NPAS2: variants seen among roughly 807,000 people sequenced by gnomAD.
NPAS2 encodes neuronal PAS domain-containing protein 2.
NPAS2 carries 23 observed loss-of-function variants against 107.5 expected under a neutral mutation model. The observed-to-expected ratio is 0.21, with a 90% CI of 0.15 to 0.30. The LOEUF is 0.30. NPAS2 is among the 10% of genes least tolerant of loss of function. The pLI is 1.00. For synonymous variants in NPAS2, 403 were observed against 417.5 expected (o/e 0.97, Z 0.42); for missense variants, 756 against 1,043.3 (o/e 0.72, Z 3.79).
chr2:100,832,555 C>T (rs1676809265), intron 1 of NPAS2, among the ~76,000 whole-genome samples: 1 of 152,180 alleles, frequency 6.6e-6, no homozygotes, highest in Admixed American at 6.5e-5. Context: ...TTGGTATATA[C>T]ACAGTCCCTC....
intron 2 of NPAS2, 129 bp downstream of exon 2, chr2:100,904,915 C>G (rs1212674394): frequency 2.9e-6 from 2 of 695,686 alleles, no homozygotes; most frequent in Non-Finnish European, 5.1e-6. Context: ...AGGACACACT[C>G]TCTGTGACAT....
At chr2:100,970,899 G>T in intron 11 of NPAS2, 91 bp from the exon 12 acceptor site, 1 of 1,130,700 alleles carries the variant, frequency 8.8e-7, no homozygotes, top group South Asian at 1.3e-5. Context: ...GTTACGTAGA[G>T]AACCTCGATG....
chr2:100,990,553 A>G, intron 18 of NPAS2, 107 bp downstream of exon 18: 1 of 1,252,288 alleles, frequency 8.0e-7, no homozygotes, highest in Admixed American at 2.0e-5. Flanking sequence ...CAGATTCTAA[A>G]GTGTCCACAG....
At chr2:100,856,453 A>G (rs10188670) in intron 1 of NPAS2, among the ~76,000 whole-genome samples, 4,620 of 152,300 alleles carry the variant, frequency 0.03, 116 homozygotes, top group African/African-American at 0.057. Flanking sequence ...GGGTGTGGAA[A>G]AAGTATTCTT....
At chr2:100,954,076 A>G (rs1015165902) in intron 7 of NPAS2, among the ~76,000 whole-genome samples, 2 of 152,164 alleles carry the variant, frequency 1.3e-5, no homozygotes, top group Non-Finnish European at 2.9e-5. Context: ...GTCGATTCCA[A>G]GAGAAAGAAT....
intron 10 of NPAS2, among the ~76,000 whole-genome samples, chr2:100,967,495 G>A (rs1042718016): frequency 6.6e-6 from 1 of 152,012 alleles, no homozygotes; most frequent in African/African-American, 2.4e-5. Flanking sequence ...CAAAGTGCTG[G>A]GATTACAGGC....
At chr2:100,931,764 G>A (rs372423514) in intron 3 of NPAS2, among the ~76,000 whole-genome samples, 1 of 152,064 alleles carries the variant, frequency 6.6e-6, no homozygotes, top group Non-Finnish European at 1.5e-5. Context: ...GATTACAGGC[G>A]TGAGCCACCG....
rs541714491 is a variant in NPAS2 at position 100,829,312 on chromosome 2, C to A, written c.-23+8898C>A. On this transcript the variant is annotated intron_variant, in intron 1 of 20. Coordinates refer to ENST00000335681, the MANE Select transcript of NPAS2 (RefSeq NM_002518.4). ...GGACTACAGGCACGCACCACCATGC[C>A]TGGCTAATTTTTGTATTTTTAGTAG... 2.0e-5 allele frequency among the ~76,000 whole-genome samples: 3 copies of A among 152,090 alleles called. No homozygotes were observed. In the East Asian group the frequency reaches 5.8e-4, roughly 30 times the overall value.
Position 100,968,736 on chromosome 2 carries a change from A to T in NPAS2, c.1055+308A>T, listed in dbSNP as rs1676377536. Among the ~76,000 whole-genome samples the T allele has an allele frequency of 6.6e-6, 1 of 152,188 alleles. No individual in the cohort carries two copies. The highest frequency in any genetic ancestry group is 2.1e-4 in the South Asian group (1 of 4,820). ...TACTTAGTAAGTGACTGCTTCACTG[A>T]CCTACTTACATATTTTCCCATCTCT... On this transcript the variant is annotated intron_variant, in intron 11 of 20. Coordinates refer to ENST00000335681, the MANE Select transcript of NPAS2 (RefSeq NM_002518.4). This position sits in a 1 kb window ranked among gnomAD's most constrained non-coding sequence, Gnocchi z 5.3.
chr2:100,969,172 C>G (rs1162727391), intron 11 of NPAS2, among the ~76,000 whole-genome samples: 1 of 151,552 alleles, frequency 6.6e-6, no homozygotes, highest in Non-Finnish European at 1.5e-5. Flanking sequence ...GGACAGCATG[C>G]CTTTCTTTTT....
chr2:100,844,191 C>A (rs1464934671), intron 1 of NPAS2, among the ~76,000 whole-genome samples: 2 of 152,000 alleles, frequency 1.3e-5, no homozygotes, highest in Non-Finnish European at 2.9e-5. Flanking sequence ...ATTTATCTAC[C>A]CAGCAACCAC....
At chr2:100,904,130 C>T (rs1681978070) in intron 1 of NPAS2, among the ~76,000 whole-genome samples, 1 of 152,094 alleles carries the variant, frequency 6.6e-6, no homozygotes, top group African/African-American at 2.4e-5. Flanking sequence ...GTCAGAGGAG[C>T]TTGTGTGGTT....
At chr2:100,948,182 C>A in intron 5 of NPAS2, 53 bp from the exon 6 acceptor site, 1 of 1,589,700 alleles carries the variant, frequency 6.3e-7, no homozygotes, top group African/African-American at 1.4e-5. Flanking sequence ...GTTTTTGCTT[C>A]TGTTTTTCAT....
intron 1 of NPAS2, among the ~76,000 whole-genome samples, chr2:100,870,343 A>G (rs1679505502): frequency 6.6e-6 from 1 of 152,142 alleles, no homozygotes; most frequent in Non-Finnish European, 1.5e-5. Flanking sequence ...TGTTAAGGCC[A>G]AGGGGCCCCA....
intron 1 of NPAS2, among the ~76,000 whole-genome samples, chr2:100,849,692 T>C (rs1380822122): frequency 2.0e-5 from 3 of 152,188 alleles, no homozygotes; most frequent in Admixed American, 1.3e-4. Context: ...AGCAAGGTTG[T>C]GGAAGGTTTC....
intron 1 of NPAS2, among the ~76,000 whole-genome samples, chr2:100,832,599 A>G (rs1484430665): frequency 6.6e-6 from 1 of 152,104 alleles, no homozygotes; most frequent in Non-Finnish European, 1.5e-5. Context: ...CCAACTGTGC[A>G]GTAGGTTTTT....
chr2:100,885,178 C>A (rs1680618713), intron 1 of NPAS2, among the ~76,000 whole-genome samples: 1 of 152,130 alleles, frequency 6.6e-6, no homozygotes, highest in Non-Finnish European at 1.5e-5. Flanking sequence ...TCTCTGTCTC[C>A]TGACCTCATG....
At position 100,925,300 on chromosome 2, in the gene NPAS2, G is replaced by T; in HGVS notation, c.181+6G>T. ...ATTTTTGCAGAAACACAATGGTAAAGGTCACCCTTCTCTCTGTTTTTTTTC... is the reference window on the plus strand; with the variant it reads ...ATTTTTGCAGAAACACAATGGTAAATGTCACCCTTCTCTCTGTTTTTTTTC... On this transcript the variant is annotated splice_donor_region_variant and intron_variant, in intron 3 of 20. Coordinates refer to ENST00000335681, the MANE Select transcript of NPAS2 (RefSeq NM_002518.4). The T allele has an allele frequency of 1.9e-6, 3 of 1,613,766 alleles. No homozygotes were observed. Among genetic ancestry groups the T allele is most frequent in the Non-Finnish European group, 2.5e-6 (3 of 1,179,862 alleles).
rs751476774 is a variant in NPAS2 at position 100,988,191 on chromosome 2, C to T, written c.1742C>T (p.Ala581Val). ...GCAGTGACTCAGCCCCAGCTCGGGGCGGGCCCCCAACTTCCAGGGCAGATC... is the reference window on the plus strand; with the variant it reads ...GCAGTGACTCAGCCCCAGCTCGGGGTGGGCCCCCAACTTCCAGGGCAGATC... ...SAAVTQPQLG[A>V]GPQLPGQISS... The change falls in exon 17 of 21, where the codon GCG becomes GTG. Residue 581 changes from alanine (A) to valine (V), a missense_variant. Transcript: ENST00000335681. The T allele has an allele frequency of 6.8e-5, 110 of 1,614,044 alleles. No individual in the cohort carries two copies. In the East Asian group the frequency reaches 2.0e-3, roughly 29 times the overall value.
Sources: gnomAD v4.1 joint callset for allele counts (sites outside exome capture counted in the v4.1 genomes callset) on GRCh38, gnomAD v4.1.1 for gene constraint, Gnocchi (gnomAD v3.1) non-coding constraint, MANE v1.5 for transcripts, NCBI Gene and HGNC (gene_info 2026-07-23, HGNC 2026-07-21) for gene names.